MAP3K3: variants seen among roughly 807,000 people sequenced by gnomAD.
MAP3K3 encodes the protein MAP/ERK kinase kinase 3.
In MAP3K3, 12 loss-of-function variants were observed where a neutral mutation model predicts 80.9. The ratio of observed to expected loss-of-function variants is 0.15; its 90% CI spans 0.10 to 0.24. The LOEUF (loss-of-function observed/expected upper bound fraction) is 0.24. Among genes scored for constraint, MAP3K3 ranks in the 10% least tolerant of loss-of-function variants. MAP3K3 has a pLI of 1.00. For synonymous variants in MAP3K3, 272 were observed against 307.1 expected (o/e 0.89, Z 1.19); for missense variants, 596 against 834.7 (o/e 0.71, Z 3.52).
At chr17:63,651,054 T>G (rs571263413) in intron 3 of MAP3K3, among the ~76,000 whole-genome samples, 19 of 152,224 alleles carry the variant, frequency 1.2e-4, no homozygotes, top group Admixed American at 4.6e-4. Context: ...TATTCTTTTC[T>G]TCAGTTATCT....
At chr17:63,638,106 A>G (rs1041599648) in intron 2 of MAP3K3, among the ~76,000 whole-genome samples, 1 of 152,234 alleles carries the variant, frequency 6.6e-6, no homozygotes, top group African/African-American at 2.4e-5. Flanking sequence ...AATAAGATAT[A>G]AAACAACACA....
chr17:63,624,049 C>G (rs1048503379), intron 1 of MAP3K3, among the ~76,000 whole-genome samples: 2 of 152,180 alleles, frequency 1.3e-5, no homozygotes, highest in African/African-American at 4.8e-5. Flanking sequence ...TGTTCATTTG[C>G]TGGGCTTACT....
intron 6 of MAP3K3, among the ~76,000 whole-genome samples, chr17:63,673,517 A>AC (rs2035153225): frequency 6.6e-6 from 1 of 152,200 alleles, no homozygotes; most frequent in African/African-American, 2.4e-5. Flanking sequence ...CCTCTCTCAT[A>AC]CCTTGGCCTA....
In MAP3K3 at chr17:63,685,671, G is replaced by C. The variant is rs11658329; in HGVS notation, c.710+81G>C. ...GGTTGAGGAAGAAGAGTTAGCTCTGGAGGCCCAGGGTTAAAACATCATGCT... is the reference window on the plus strand; with the variant it reads ...GGTTGAGGAAGAAGAGTTAGCTCTGCAGGCCCAGGGTTAAAACATCATGCT... On this transcript the variant is annotated intron_variant, in intron 8 of 15. Coordinates refer to ENST00000361733, the MANE Select transcript of MAP3K3 (RefSeq NM_002401.5). 324,954 of 1,148,490 alleles carry C rather than the reference G, an allele frequency of 0.28. 53,947 individuals are homozygous for C. Among genetic ancestry groups the C allele is most frequent in the African/African-American group, 0.71 (46,904 of 65,852 alleles). The allele number at this position is 1,148,490 out of a possible 1,614,324, so 71.1% of individuals were successfully genotyped here.
At chr17:63,673,128 A>G (rs1472096299) in intron 6 of MAP3K3, among the ~76,000 whole-genome samples, 1 of 152,200 alleles carries the variant, frequency 6.6e-6, no homozygotes, top group Non-Finnish European at 1.5e-5. Context: ...AGCGCAGGGT[A>G]GCCCAATCAA....
At chr17:63,660,822 C>G (rs969758290) in intron 5 of MAP3K3, among the ~76,000 whole-genome samples, 2 of 152,072 alleles carry the variant, frequency 1.3e-5, no homozygotes, top group African/African-American at 4.8e-5. Context: ...TCTTGAACTC[C>G]CGACCTCAGG....
intron 2 of MAP3K3, chr17:63,636,887 A>G (rs576407364): frequency 2.8e-5 from 12 of 429,240 alleles, no homozygotes; most frequent in Middle Eastern, 1.1e-3. Flanking sequence ...CCTTGGGACA[A>G]TGAGACCAAT....
chr17:63,690,135 A>T, intron 11 of MAP3K3, 129 bp from the exon 12 acceptor site: 1 of 1,046,614 alleles, frequency 9.6e-7, no homozygotes, highest in African/African-American at 1.6e-5. Flanking sequence ...TGTGGTGGAG[A>T]TGCTCTACTA....
intron 1 of MAP3K3, among the ~76,000 whole-genome samples, chr17:63,632,345 A>G (rs886883900): frequency 6.6e-6 from 1 of 152,098 alleles, no homozygotes; most frequent in Non-Finnish European, 1.5e-5. Context: ...TAAAAAAATC[A>G]TCCAGGCATG....
chr17:63,657,770 C>G lies in MAP3K3; in HGVS notation c.268-24C>G, dbSNP rs1598088645. Reference sequence around the variant, plus strand: ...ATAAACTTCTGTTTTATATTATTTTCCTTTTCTATGTCTTGTATCACAGCT... The same window carrying G: ...ATAAACTTCTGTTTTATATTATTTTGCTTTTCTATGTCTTGTATCACAGCT... On this transcript the variant is annotated intron_variant, in intron 4 of 15. Coordinates refer to ENST00000361733, the MANE Select transcript of MAP3K3 (RefSeq NM_002401.5). The G allele has an allele frequency of 4.0e-6, 4 of 1,008,072 alleles. No homozygotes were observed. The East Asian group carries it at 9.8e-5, about 25-fold the overall frequency. 62.4% of individuals were successfully genotyped at this position (1,008,072 alleles called of 1,614,324 possible). A position where few individuals can be genotyped will look rare whatever the true frequency, so the allele number is the denominator to read the frequency against.
rs1568141108 is a variant in MAP3K3, at chr17:63,666,931, CT to C, written c.382-5del. The C allele has an allele frequency of 6.2e-7, 1 of 1,612,406 alleles. No homozygotes were observed. The highest frequency in any genetic ancestry group is 8.5e-7 in the Non-Finnish European group (1 of 1,179,532). On this transcript the variant is annotated splice_polypyrimidine_tract_variant and splice_region_variant and intron_variant, in intron 5 of 15. Transcript: ENST00000361733. ...GATGTAGCTTGGCCTTTTTCCTCTT[CT>C]TTTACAGAACAGTTCCTCTCCCCAC...
rs75133353 is a variant in MAP3K3, at chr17:63,686,475, G to A, written c.710+885G>A. Among the ~76,000 whole-genome samples, 1,390 of 152,304 alleles carry A rather than the reference G, an allele frequency of 9.1e-3. 23 individuals are homozygous for A. Among genetic ancestry groups the A allele is most frequent in the African/African-American group, 0.031 (1,301 of 41,572 alleles). Reference sequence around the variant, plus strand: ...AAGAAGGCACAGGCAAGAGTGCCAGGGCTTGCTGTCATAGACTGAGGGCTC... The same window carrying A: ...AAGAAGGCACAGGCAAGAGTGCCAGAGCTTGCTGTCATAGACTGAGGGCTC... On this transcript the variant is annotated intron_variant, in intron 8 of 15. Transcript: ENST00000361733.
chr17:63,636,133 G>A (rs1302345748), intron 2 of MAP3K3, among the ~76,000 whole-genome samples: 2 of 152,194 alleles, frequency 1.3e-5, no homozygotes, highest in Admixed American at 1.3e-4. Flanking sequence ...TGGGTGCCGA[G>A]GCCTGGAAGA....
chr17:63,648,405 A>G (rs1220237685), intron 3 of MAP3K3, among the ~76,000 whole-genome samples: 1 of 152,204 alleles, frequency 6.6e-6, no homozygotes, highest in Non-Finnish European at 1.5e-5. Flanking sequence ...ATGATTTGCT[A>G]TTAGGCATTA....
rs1034048867 is a variant in MAP3K3, at chr17:63,693,991, C to T, written c.*214C>T. 6 of 526,130 alleles carry T rather than the reference C, an allele frequency of 1.1e-5. No individual in the cohort carries two copies. Among genetic ancestry groups the T allele is most frequent in the Non-Finnish European group, 2.0e-5 (6 of 299,134 alleles). 32.6% of individuals were successfully genotyped at this position (526,130 alleles called of 1,614,324 possible). On this transcript the variant is annotated 3_prime_UTR_variant, in exon 16 of 16. Coordinates refer to ENST00000361733, the MANE Select transcript of MAP3K3 (RefSeq NM_002401.5). This position sits in a 1 kb window ranked among gnomAD's most constrained non-coding sequence, Gnocchi z 4.2. ...CTGGGAGCCCCCAGCCTGTCAGATC[C>T]AGGAGCTCCAGTGTCCTGAGCTCAG... is the stretch of plus-strand genomic sequence containing the variant.
chr17:63,678,118 G>A (rs1030830268), intron 6 of MAP3K3, among the ~76,000 whole-genome samples: 7 of 152,094 alleles, frequency 4.6e-5, no homozygotes, highest in African/African-American at 1.4e-4. Context: ...CTGTTTTCTC[G>A]CTTCGGCCCC....
chr17:63,677,217 A>G (rs961376822), intron 6 of MAP3K3, among the ~76,000 whole-genome samples: 3 of 152,190 alleles, frequency 2.0e-5, no homozygotes, highest in African/African-American at 7.2e-5. Context: ...ATGAGTGGCA[A>G]AGCCTGATCT....
Position 63,666,955 on chromosome 17 carries a change from C to A in MAP3K3, c.397C>A (p.His133Asn), listed in dbSNP as rs141438505. Residue 133 changes from histidine (H) to asparagine (N), a missense_variant, in exon 6 of 16, where the codon CAC becomes AAC. Transcript: ENST00000361733. ...TCTTTTACAGAACAGTTCCTCTCCC[C>A]ACTCTGGGGTGTCCAGACAGGTGCG... ...QDRNHNSSSP[H>N]SGVSRQVRIK... 1.3e-5 allele frequency: 21 copies of A among 1,613,088 alleles called. No homozygotes were observed. The Middle Eastern group carries it at 6.6e-4, about 51-fold the overall frequency.
chr17:63,689,854 G>A lies in MAP3K3; in HGVS notation c.1063+119G>A. The A allele has an allele frequency of 3.3e-6, 3 of 902,292 alleles. No individual in the cohort carries two copies. Among genetic ancestry groups the A allele is most frequent in the Non-Finnish European group, 5.0e-6 (3 of 600,514 alleles). The allele number at this position is 902,292 out of a possible 1,614,324, so 55.9% of individuals were successfully genotyped here. A position where few individuals can be genotyped will look rare whatever the true frequency, so the allele number is the denominator to read the frequency against. Reference sequence around the variant, plus strand: ...AGCAGGTGGTGGCTTTGGCCCAAATGCACCACATGGGATAAGCCTTGGAGT... The same window carrying A: ...AGCAGGTGGTGGCTTTGGCCCAAATACACCACATGGGATAAGCCTTGGAGT... On this transcript the variant is annotated intron_variant, in intron 11 of 15. Transcript: ENST00000361733. The surrounding 1 kb of genome is among the most constrained non-coding windows in gnomAD (Gnocchi z 4.3).
Sources: gnomAD v4.1 joint callset for allele counts (sites outside exome capture counted in the v4.1 genomes callset) on GRCh38, gnomAD v4.1.1 for gene constraint, Gnocchi (gnomAD v3.1) non-coding constraint, MANE v1.5 for transcripts, NCBI Gene and HGNC (gene_info 2026-07-23, HGNC 2026-07-21) for gene names.